MBP: variants seen among roughly 807,000 people sequenced by gnomAD.
MBP encodes Golli-MBP.
MBP carries 16 observed loss-of-function variants against 35.8 expected under a neutral mutation model. The ratio of observed to expected loss-of-function variants is 0.45; its 90% CI spans 0.30 to 0.68. The LOEUF (loss-of-function observed/expected upper bound fraction) is 0.68. MBP is among the 30% of genes least tolerant of loss of function. The probability of loss-of-function intolerance (pLI) is 0.08; values close to 1 mark genes in which losing one functional copy is unlikely to be tolerated. For missense variants in MBP, 380 were observed against 404.7 expected (o/e 0.94, Z 0.52); for synonymous variants, 143 against 159.6 (o/e 0.90, Z 0.78).
Position 76,988,633 on chromosome 18 carries a change from A to AGC in MBP, c.718-107_718-106insGC. The AGC allele has an allele frequency of 6.6e-7, 1 of 1,522,366 alleles. No individual in the cohort carries two copies. The highest frequency in any genetic ancestry group is 1.8e-4 in the Middle Eastern group (1 of 5,622). The allele number at this position is 1,522,366 out of a possible 1,614,324, so 94.3% of individuals were successfully genotyped here. On this transcript the variant is annotated intron_variant, in intron 6 of 8. Transcript: ENST00000355994. The surrounding 1 kb of genome is among the most constrained non-coding windows in gnomAD (Gnocchi z 5.2). ...AGCACAGTGGAGCTGAGGTGGTAAA[A>AGC]ACAGGTTCCACCCGGAGCTCCGAGG...
chr18:77,037,022 T>C (rs1972801953), intron 3 of MBP, among the ~76,000 whole-genome samples: 1 of 142,006 alleles, frequency 7.0e-6, no homozygotes, highest in South Asian at 2.3e-4. Context: ...GGTCACATTT[T>C]GGAGGACTGA....
chr18:77,075,234 G>T (rs1198098958), intron 2 of MBP, among the ~76,000 whole-genome samples: 1 of 152,052 alleles, frequency 6.6e-6, no homozygotes, highest in African/African-American at 2.4e-5. Flanking sequence ...CATCAAATAG[G>T]GTGCATTTAT....
intron 1 of MBP, chr18:77,113,072 G>A (rs1192551787): frequency 6.6e-6 from 1 of 152,122 alleles, no homozygotes; most frequent in Non-Finnish European, 1.5e-5. Flanking sequence ...CAGAGTAGCT[G>A]GGATTACAGG....
chr18:76,998,738 GCC>G (rs1970467471), intron 4 of MBP, among the ~76,000 whole-genome samples: 3 of 152,156 alleles, frequency 2.0e-5, no homozygotes, highest in Middle Eastern at 3.2e-3. Flanking sequence ...GAGAAGTACA[GCC>G]CTGTGTCTGC....
At chr18:77,065,622 T>A (rs1182279096) in intron 3 of MBP, among the ~76,000 whole-genome samples, 1 of 152,218 alleles carries the variant, frequency 6.6e-6, no homozygotes, top group East Asian at 1.9e-4. Flanking sequence ...CACCGTGGTA[T>A]CCAGGCTTTG....
At chr18:77,052,378 A>AC (rs1973524674) in intron 3 of MBP, among the ~76,000 whole-genome samples, 1 of 151,952 alleles carries the variant, frequency 6.6e-6, no homozygotes, top group Non-Finnish European at 1.5e-5. Flanking sequence ...GTGAGCAGGG[A>AC]CCCCTTTGTC....
At chr18:77,041,267 C>G (rs373108868) in intron 3 of MBP, among the ~76,000 whole-genome samples, 9,207 of 151,864 alleles carry the variant, frequency 0.061, 330 homozygotes, top group Middle Eastern at 0.096. Flanking sequence ...TCATTAAAAA[C>G]TCAGGAAACA....
At chr18:77,042,111 A>T (rs1376596396) in intron 3 of MBP, among the ~76,000 whole-genome samples, 1 of 151,896 alleles carries the variant, frequency 6.6e-6, no homozygotes, top group African/African-American at 2.4e-5. Context: ...ATTCACAATA[A>T]ACTGGAAAGA....
chr18:77,114,178 T>C (rs1976571595), intron 1 of MBP: 1 of 152,250 alleles, frequency 6.6e-6, no homozygotes, highest in South Asian at 2.1e-4. Context: ...CCTTAGCAGA[T>C]TCAGGTAGAT....
At chr18:77,042,298 T>A (rs1973043877) in intron 3 of MBP, among the ~76,000 whole-genome samples, 1 of 145,494 alleles carries the variant, frequency 6.9e-6, no homozygotes, top group South Asian at 2.1e-4. Context: ...CCGGGGGACC[T>A]GACTCTCAGT....
rs529174020 is a variant in MBP at position 77,028,050 on chromosome 18, C to A, written c.140-10782G>T. Among the ~76,000 whole-genome samples, 529 of 143,610 alleles carry A rather than the reference C, an allele frequency of 3.7e-3. 2 individuals are homozygous for A. Among genetic ancestry groups the A allele is most frequent in the Middle Eastern group, 0.014 (4 of 282 alleles). The allele number at this position is 143,610 out of a possible 152,430, so 94.2% of individuals were successfully genotyped here. ...GTGTTTCTTGCAGAGGGGGATTTGG[C>A]AGGGTCATAGGACAATAGTGGAGGG... On this transcript the variant is annotated intron_variant, in intron 3 of 8. Transcript: ENST00000355994.
chr18:76,984,006 C>T (rs1388409418), intron 8 of MBP: 1 of 152,222 alleles, frequency 6.6e-6, no homozygotes, highest in African/African-American at 2.4e-5. Context: ...CTGGGGGCTC[C>T]CAGAGCCTTT....
At position 76,988,197 on chromosome 18, in the gene MBP, C is replaced by T. The variant is rs772164815; in HGVS notation, c.750+298G>A. On this transcript the variant is annotated intron_variant, in intron 7 of 8. Coordinates refer to ENST00000355994, the MANE Select transcript of MBP (RefSeq NM_001025101.2). This position sits in a 1 kb window ranked among gnomAD's most constrained non-coding sequence, Gnocchi z 5.2. Reference sequence around the variant, plus strand: ...CATTTTCTCGGACGTGGTGTTGCTCCCTCCCTGGGAGGGAGACCAGTCACG... The same window carrying T: ...CATTTTCTCGGACGTGGTGTTGCTCTCTCCCTGGGAGGGAGACCAGTCACG... The T allele has an allele frequency of 3.0e-5, 47 of 1,546,632 alleles. No individual in the cohort carries two copies. Among genetic ancestry groups the T allele is most frequent in the Non-Finnish European group, 3.8e-5 (44 of 1,146,910 alleles).
At chr18:77,031,275 C>T (rs957808037) in intron 3 of MBP, among the ~76,000 whole-genome samples, 2 of 152,138 alleles carry the variant, frequency 1.3e-5, no homozygotes, top group Non-Finnish European at 2.9e-5. Context: ...GGCTTTTTAC[C>T]TAAAGCAGTT....
At chr18:77,016,271 C>T (rs1971626863) in intron 4 of MBP, 1 of 985,874 alleles carries the variant, frequency 1.0e-6, no homozygotes, top group African/African-American at 1.7e-5. Context: ...CATAGACACT[C>T]ATTTATCCCT....
chr18:77,121,854 C>T (rs576733482), intron 1 of MBP, among the ~76,000 whole-genome samples: 6 of 152,176 alleles, frequency 3.9e-5, no homozygotes, highest in South Asian at 2.1e-4. Flanking sequence ...TTCAGATAGC[C>T]GAAAGAACAG....
chr18:77,069,448 A>T (rs1974340967), intron 2 of MBP, among the ~76,000 whole-genome samples: 1 of 152,234 alleles, frequency 6.6e-6, no homozygotes, highest in Non-Finnish European at 1.5e-5. Flanking sequence ...ATTAAGTACG[A>T]TTCAGCTACC....
At chr18:77,045,297 C>G (rs1216947015) in intron 3 of MBP, among the ~76,000 whole-genome samples, 3 of 152,294 alleles carry the variant, frequency 2.0e-5, no homozygotes, top group Non-Finnish European at 1.5e-5. Flanking sequence ...GCCGGCAGCA[C>G]CTGCCGGCAT....
At chr18:76,985,053 T>C in intron 7 of MBP, 159 bp from the exon 8 acceptor site, 1 of 1,484,422 alleles carries the variant, frequency 6.7e-7, no homozygotes, top group South Asian at 1.2e-5. Flanking sequence ...GCTGAGGGGG[T>C]GGGGGCGGGA....
Sources: allele counts gnomAD v4.1 joint callset (sites outside exome capture counted in the v4.1 genomes callset), GRCh38; gene constraint gnomAD v4.1.1; non-coding constraint Gnocchi (gnomAD v3.1); transcripts MANE v1.5; gene names NCBI Gene and HGNC (gene_info 2026-07-23, HGNC 2026-07-21).